Variants in ESRRG observed in about 807,000 individuals in gnomAD.
ESRRG encodes estrogen related receptor gamma.
ESRRG carries 13 observed loss-of-function variants against 44.0 expected under a neutral mutation model. The observed-to-expected ratio is 0.30, with a 90% CI of 0.19 to 0.47. The LOEUF (loss-of-function observed/expected upper bound fraction) is 0.47. ESRRG is among the 20% of genes least tolerant of loss of function. ESRRG has a pLI of 1.00. For synonymous variants in ESRRG, 215 were observed against 214.6 expected (o/e 1.00, Z -0.02); for missense variants, 395 against 580.6 (o/e 0.68, Z 3.29).
intron 1 of ESRRG, among the ~76,000 whole-genome samples, chr1:216,709,275 T>C (rs2083094763): frequency 6.6e-6 from 1 of 151,888 alleles, no homozygotes. Context: ...TACATTTGCA[T>C]GTGTTCAAAG....
chr1:216,744,511 C>T (rs2091154982), intron 2 of ESRRG, among the ~76,000 whole-genome samples: 1 of 144,126 alleles, frequency 6.9e-6, no homozygotes, highest in Admixed American at 7.0e-5. Context: ...CACACACACA[C>T]CTCTGTACAC....
intron 3 of ESRRG, among the ~76,000 whole-genome samples, chr1:216,595,185 A>T (rs552039545): frequency 7.9e-5 from 12 of 152,308 alleles, no homozygotes; most frequent in African/African-American, 2.2e-4. Context: ...GCACATTTTT[A>T]AAATGTTTAA....
rs529154763 is a variant in ESRRG at position 217,121,113 on chromosome 1, G to A, written c.-230+16554C>T. ...AGAGGTGTCAGCTGTGTCGGGTCTT[G>A]AAGAATACACACACACACACACACA... On this transcript the variant is annotated intron_variant, in intron 1 of 8. Transcript: ENST00000366940. 3.5e-5 allele frequency among the ~76,000 whole-genome samples: 4 copies of A among 113,342 alleles called. No individual in the cohort carries two copies. In the East Asian group the frequency reaches 8.9e-4, roughly 25 times the overall value. The allele number at this position is 113,342 out of a possible 152,430, so 74.4% of individuals were successfully genotyped here. A position where few individuals can be genotyped will look rare whatever the true frequency, so the allele number is the denominator to read the frequency against.
At chr1:216,605,923 TAAC>T (rs1490471381) in intron 3 of ESRRG, among the ~76,000 whole-genome samples, 4 of 151,836 alleles carry the variant, frequency 2.6e-5, no homozygotes, top group Non-Finnish European at 5.9e-5. Context: ...CTATCTTTTT[TAAC>T]AACAAGAAAG....
At chr1:216,586,944 C>A (rs2063922328) in intron 3 of ESRRG, among the ~76,000 whole-genome samples, 1 of 152,114 alleles carries the variant, frequency 6.6e-6, no homozygotes, top group African/African-American at 2.4e-5. Flanking sequence ...ATTTTATCCT[C>A]CTTGAAACTT....
chr1:216,957,412 C>T (rs999378745), intron 1 of ESRRG, among the ~76,000 whole-genome samples: 1 of 152,130 alleles, frequency 6.6e-6, no homozygotes, highest in Non-Finnish European at 1.5e-5. Flanking sequence ...GCATATTTGT[C>T]TAATATGCAT....
intron 2 of ESRRG, among the ~76,000 whole-genome samples, chr1:216,734,907 T>TTA (rs2089580134): frequency 1.1e-5 from 1 of 91,292 alleles, no homozygotes; most frequent in Non-Finnish European, 2.1e-5. Flanking sequence ...CCATATTCTT[T>TTA]TTTTTTTTTT....
chr1:217,055,835 C>T (rs867857532), intron 1 of ESRRG, among the ~76,000 whole-genome samples: 48 of 152,228 alleles, frequency 3.2e-4, no homozygotes, highest in Non-Finnish European at 2.6e-4. Context: ...CTTCCCCACA[C>T]CCAGATGTCT....
intron 2 of ESRRG, among the ~76,000 whole-genome samples, chr1:216,659,067 T>A (rs2071550827): frequency 6.6e-6 from 1 of 152,214 alleles, no homozygotes; most frequent in South Asian, 2.1e-4. Context: ...ATCTGCTTTA[T>A]AACTTTGTAA....
chr1:216,626,553 C>T (rs2063219354), intron 3 of ESRRG, among the ~76,000 whole-genome samples: 1 of 152,210 alleles, frequency 6.6e-6, no homozygotes. Flanking sequence ...CTCCCCAAAT[C>T]CCATTCATCT....
At chr1:217,125,813 A>T (rs2092882166) in intron 1 of ESRRG, among the ~76,000 whole-genome samples, 1 of 152,166 alleles carries the variant, frequency 6.6e-6, no homozygotes, top group Non-Finnish European at 1.5e-5. Flanking sequence ...CTTTCCTCTC[A>T]AACTATCTTT....
chr1:216,893,926 G>A (rs1336615551), intron 2 of ESRRG, among the ~76,000 whole-genome samples: 1 of 152,100 alleles, frequency 6.6e-6, no homozygotes, highest in Admixed American at 6.6e-5. Context: ...TTTTCTAAAT[G>A]CAATGTAATG....
At chr1:216,811,964 C>T (rs1173228707) in intron 2 of ESRRG, among the ~76,000 whole-genome samples, 1 of 152,138 alleles carries the variant, frequency 6.6e-6, no homozygotes, top group Non-Finnish European at 1.5e-5. Context: ...AGAACAAAAG[C>T]AGTGTCCAAG....
At chr1:216,762,519 C>T (rs190751611) in intron 2 of ESRRG, among the ~76,000 whole-genome samples, 13,628 of 141,556 alleles carry the variant, frequency 0.096, 730 homozygotes, top group South Asian at 0.18. Flanking sequence ...AACACATGGA[C>T]ACAGGAAGGG....
chr1:216,615,295 T>C (rs982314585), intron 3 of ESRRG, among the ~76,000 whole-genome samples: 1 of 152,160 alleles, frequency 6.6e-6, no homozygotes, highest in Non-Finnish European at 1.5e-5. Flanking sequence ...AGAACAAAAA[T>C]ATATCTAGAC....
chr1:216,784,654 A>G (rs2094058673), intron 2 of ESRRG, among the ~76,000 whole-genome samples: 1 of 152,064 alleles, frequency 6.6e-6, no homozygotes, highest in Non-Finnish European at 1.5e-5. Context: ...AGATGATTGT[A>G]TCAATGTTTT....
rs1560083472 is a variant in ESRRG at position 216,912,186 on chromosome 1, G to GAAA, written c.-14+27395_-14+27396insTTT. 1.4e-3 allele frequency among the ~76,000 whole-genome samples: 18 copies of GAAA among 12,750 alleles called. 1 individual carries two copies. The highest frequency in any genetic ancestry group is 0.011 in the South Asian group (3 of 270). 8.4% of individuals were successfully genotyped at this position (12,750 alleles called of 152,430 possible). A position where few individuals can be genotyped will look rare whatever the true frequency, so the allele number is the denominator to read the frequency against. ...AAAAGAAAAGAAAAGAAAAGAAAAG[G>GAAA]AGAGGAGAGGAGAGGAGAGGAGAGG... On this transcript the variant is annotated intron_variant, in intron 2 of 7. Coordinates refer to the ESRRG transcript ENST00000359162.
At chr1:217,057,079 C>A (rs2087272493) in intron 1 of ESRRG, among the ~76,000 whole-genome samples, 1 of 152,106 alleles carries the variant, frequency 6.6e-6, no homozygotes, top group Admixed American at 6.6e-5. Flanking sequence ...CCACTTGGCA[C>A]CCTTCCAGCG....
chr1:216,889,442 T>C (rs1250971992), intron 2 of ESRRG, among the ~76,000 whole-genome samples: 5 of 152,180 alleles, frequency 3.3e-5, no homozygotes, highest in African/African-American at 4.8e-5. Flanking sequence ...ACTTCTGACC[T>C]TGCTGGGCTA....
Sources: gnomAD v4.1 joint callset for allele counts (sites outside exome capture counted in the v4.1 genomes callset) on GRCh38, gnomAD v4.1.1 for gene constraint, MANE v1.5 for transcripts, NCBI Gene and HGNC (gene_info 2026-07-23, HGNC 2026-07-21) for gene names.